Variants in PRPF31 observed in about 807,000 individuals in gnomAD.
PRPF31 encodes pre-mRNA processing factor 31.
PRPF31 carries 12 observed loss-of-function variants against 60.4 expected under a neutral mutation model. The observed-to-expected ratio is 0.20, with a 90% CI of 0.13 to 0.32. The LOEUF is 0.32. Ranked by LOEUF, PRPF31 falls within the 10% of genes least tolerant of loss-of-function variation. The probability of loss-of-function intolerance (pLI) is 1.00; values close to 1 mark genes in which losing one functional copy is unlikely to be tolerated. For synonymous variants in PRPF31, 287 were observed against 287.9 expected, an observed-to-expected ratio of 1.00 and a Z score of 0.03; for missense variants, 431 against 687.1, an observed-to-expected ratio of 0.63 and a Z score of 4.17.
At chr19:54,130,610 G>C (rs1350344369) in intron 13 of PRPF31, among the ~76,000 whole-genome samples, 1 of 151,106 alleles carries the variant, frequency 6.6e-6, no homozygotes, top group African/African-American at 2.4e-5. Flanking sequence ...GGGCGACAGA[G>C]CCAGACTCTG....
chr19:54,123,393 G>A (rs2073840558), intron 5 of PRPF31, 61 bp from the exon 6 acceptor site: 1 of 1,276,894 alleles, frequency 7.8e-7, no homozygotes, highest in Non-Finnish European at 1.1e-6. Flanking sequence ...TGCTGAGCAA[G>A]AGAGGTTCTC....
intron 3 of PRPF31, among the ~76,000 whole-genome samples, chr19:54,121,362 T>C (rs2073783743): frequency 2.0e-5 from 3 of 149,876 alleles, no homozygotes; most frequent in Admixed American, 2.0e-4. Context: ...ATCACTCCTT[T>C]ATGGCTGGAG....
chr19:54,125,644 A>T (rs1477826024), intron 8 of PRPF31, among the ~76,000 whole-genome samples: 1 of 152,094 alleles, frequency 6.6e-6, no homozygotes, highest in African/African-American at 2.4e-5. Context: ...AATAGCACTG[A>T]TGGCCAAGGC....
rs759842835 is a variant in PRPF31 at position 54,124,520 on chromosome 19, A to C, written c.719A>C (p.Asn240Thr). The C allele has an allele frequency of 6.2e-7, 1 of 1,607,668 alleles. No homozygotes were observed. Among genetic ancestry groups the C allele is most frequent in the East Asian group, 2.2e-5 (1 of 44,734 alleles). The change falls in exon 8 of 14, where the codon AAC becomes ACC. Residue 240 changes from asparagine (N) to threonine (T), a missense_variant. By Grantham distance (65) the Asn-to-Thr change is moderately conservative. Around this residue, in one of 4 missense-constraint regions of PRPF31, gnomAD observed 314 missense variants for 475.3 expected, o/e 0.66. Transcript: ENST00000321030. ...GCAGGTGTGGCCGGCGGCCTGACCA[A>C]CCTCTCCAAGATGCCCGCCTGCAAC... is the stretch of plus-strand genomic sequence containing the variant. ...KIMGVAGGLTNLSKMPACNIM... is the reference protein window; with the variant it reads ...KIMGVAGGLTTLSKMPACNIM...
intron 9 of PRPF31, 53 bp downstream of exon 9, chr19:54,126,670 G>T: frequency 6.5e-7 from 1 of 1,546,294 alleles, no homozygotes; most frequent in Non-Finnish European, 8.8e-7. Context: ...TGGGCCTGGG[G>T]TGTCTCTGCA....
intron 7 of PRPF31, chr19:54,124,288 C>G (rs1245430366): frequency 3.1e-6 from 2 of 644,520 alleles, no homozygotes; most frequent in South Asian, 1.9e-5. Context: ...CCCTGCACCC[C>G]CAGGCCAGCT....
chr19:54,126,869 G>A (rs587593985), intron 9 of PRPF31, among the ~76,000 whole-genome samples: 16 of 152,314 alleles, frequency 1.1e-4, no homozygotes, highest in African/African-American at 3.9e-4. Flanking sequence ...AGTAGCTCAC[G>A]CCTGTAATCC....
chr19:54,126,614 GAAGGTGAGGAGGGA>G lies in PRPF31; in HGVS notation c.945+7_945+20del, dbSNP rs766480779. ...ACAGTTTCCACGAGAGCACAGAAGG[GAAGGTGAGGAGGGA>G]AAGGTGAGGGGCGGCCGGGCGTCTT... On this transcript the variant is annotated splice_donor_variant and splice_donor_5th_base_variant and coding_sequence_variant and intron_variant, in exon 9 of 14. Transcript: ENST00000321030. LOFTEE classifies it high-confidence loss of function. The G allele has an allele frequency of 1.2e-6, 2 of 1,613,544 alleles. No homozygotes were observed. The highest frequency in any genetic ancestry group is 1.7e-6 in the Non-Finnish European group (2 of 1,179,796).
chr19:54,124,705 C>G lies in PRPF31; in HGVS notation c.855+49C>G, dbSNP rs781007230. 22 of 1,591,808 alleles carry G rather than the reference C, an allele frequency of 1.4e-5. No individual in the cohort carries two copies. In the East Asian group the frequency reaches 4.7e-4, roughly 34 times the overall value. On this transcript the variant is annotated intron_variant, in intron 8 of 13. Coordinates refer to ENST00000321030, the MANE Select transcript of PRPF31 (RefSeq NM_015629.4). Reference sequence around the variant, plus strand: ...CTCCCCCGGCCCCCCTGGAGCCTTCCGCTGTGCCCAGACAGCCTGAGCAGC... The same window carrying G: ...CTCCCCCGGCCCCCCTGGAGCCTTCGGCTGTGCCCAGACAGCCTGAGCAGC...
Position 54,123,742 on chromosome 19 carries a change from C to A in PRPF31, c.528-7C>A, listed in dbSNP as rs746177615. 1 of 1,607,498 alleles carries A rather than the reference C, an allele frequency of 6.2e-7. No individual in the cohort carries two copies. Among genetic ancestry groups the A allele is most frequent in the Non-Finnish European group, 8.5e-7 (1 of 1,178,318 alleles). On this transcript the variant is annotated splice_polypyrimidine_tract_variant and splice_region_variant and intron_variant, in intron 6 of 13. Transcript: ENST00000321030. ...ACCCAGGAGGCTGGGCCCACCCGCC[C>A]CTGCAGGCAGCAGCTGTCGGAGGAG...
rs1415580544 is a variant in PRPF31 at position 54,123,901 on chromosome 19, C to T, written c.680C>T (p.Thr227Met). 2.5e-6 allele frequency: 4 copies of T among 1,613,828 alleles called. No individual in the cohort carries two copies. The highest frequency in any genetic ancestry group is 1.1e-5 in the South Asian group (1 of 91,092). Residue 227 changes from threonine to methionine, a missense_variant, in exon 7 of 14, where the codon ACG (threonine) becomes ATG (methionine). By Grantham distance (81) the Thr-to-Met change is moderately conservative. Transcript: ENST00000321030. ...CTGTCCATCATTATCGGGGCATCCA[C>T]GGCCGCCAAGATCATGGGTGAGTCC... ...PNLSIIIGAS[T>M]AAKIMGVAGG...
At chr19:54,131,249 TCA>T in intron 13 of PRPF31, 56 bp from the exon 14 acceptor site, 1 of 1,607,244 alleles carries the variant, frequency 6.2e-7, no homozygotes, top group Non-Finnish European at 8.5e-7. Context: ...CTCTGATGGG[TCA>T]CAGTTGGGGC....
At position 54,131,249 on chromosome 19, in the gene PRPF31, T is replaced by A. The variant is rs142479675; in HGVS notation, c.1375-58T>A. 4.0e-3 allele frequency: 6,437 copies of A among 1,607,240 alleles called. 14 individuals carry two copies. Among genetic ancestry groups the A allele is most frequent in the Non-Finnish European group, 5.1e-3 (5,977 of 1,175,480 alleles). On this transcript the variant is annotated intron_variant, in intron 13 of 13. Transcript: ENST00000321030. Reference sequence around the variant, plus strand: ...GAAGGGCCTGGGGGGCTCTGATGGGTCACAGTTGGGGCCTTCTCCTCACCT... The same window carrying A: ...GAAGGGCCTGGGGGGCTCTGATGGGACACAGTTGGGGCCTTCTCCTCACCT...
At chr19:54,127,863 C>T (rs990137515) in intron 9 of PRPF31, among the ~76,000 whole-genome samples, 4 of 152,300 alleles carry the variant, frequency 2.6e-5, no homozygotes, top group South Asian at 2.1e-4. Context: ...TTGTTGGGGC[C>T]GGGTCAAAGA....
rs745513036 is a variant in PRPF31, at chr19:54,123,934, G to C, written c.697+16G>C. ...AAGATCATGGGTGAGTCCCCGGGCT[G>C]GGTCCCATGGAGCGGGGGTCTGCTG... On this transcript the variant is annotated intron_variant, in intron 7 of 13. Transcript: ENST00000321030. The C allele has an allele frequency of 6.2e-7, 1 of 1,612,930 alleles. No individual in the cohort carries two copies. Among genetic ancestry groups the C allele is most frequent in the South Asian group, 1.1e-5 (1 of 91,090 alleles).
At chr19:54,116,361 C>T (rs1252321245) in intron 1 of PRPF31, among the ~76,000 whole-genome samples, 1 of 151,846 alleles carries the variant, frequency 6.6e-6, no homozygotes, top group African/African-American at 2.4e-5. Flanking sequence ...CGCACCACCA[C>T]GCCCGGCTAG....
At chr19:54,126,172 G>A (rs254273) in intron 8 of PRPF31, among the ~76,000 whole-genome samples, 4,572 of 152,308 alleles carry the variant, frequency 0.03, 329 homozygotes, top group East Asian at 0.29. Flanking sequence ...ACACCAGCCC[G>A]ATATTTGAAT....
At position 54,122,915 on chromosome 19, in the gene PRPF31, C is replaced by T. The variant is rs587700009; in HGVS notation, c.420+321C>T. ...CACACGGAGATTTGGGGGAGAGAGA[C>T]GTCTAAGTGCAGAGAGCTGGAGAGG... is the stretch of plus-strand genomic sequence containing the variant. On this transcript the variant is annotated intron_variant, in intron 5 of 13. Coordinates refer to ENST00000321030, the MANE Select transcript of PRPF31 (RefSeq NM_015629.4). 3.5e-4 allele frequency: 183 copies of T among 517,478 alleles called. 2 individuals are homozygous for T. The highest frequency in any genetic ancestry group is 2.4e-3 in the South Asian group (118 of 49,536). 32.1% of individuals were successfully genotyped at this position (517,478 alleles called of 1,614,324 possible). A position where few individuals can be genotyped will look rare whatever the true frequency, so the allele number is the denominator to read the frequency against.
chr19:54,120,816 G>A (rs2073767242), intron 3 of PRPF31, among the ~76,000 whole-genome samples: 1 of 151,636 alleles, frequency 6.6e-6, no homozygotes, highest in African/African-American at 2.4e-5. Flanking sequence ...GTCTCCCTAT[G>A]TCGCCCAGGT....
Sources: allele counts gnomAD v4.1 joint callset (sites outside exome capture counted in the v4.1 genomes callset), GRCh38; gene constraint gnomAD v4.1.1; regional missense constraint gnomAD v4.1.1; transcripts MANE v1.5; gene names NCBI Gene and HGNC (gene_info 2026-07-23, HGNC 2026-07-21).